PCDH15: variants seen among roughly 807,000 people sequenced by gnomAD.
PCDH15 encodes the protein protocadherin-15.
PCDH15 carries 129 observed loss-of-function variants against 178.5 expected under a neutral mutation model. That is an observed-to-expected ratio of 0.72 (90% CI 0.63 to 0.84). The LOEUF is 0.84. Ranked by LOEUF, PCDH15 falls within the 40% of genes least tolerant of loss-of-function variation. The pLI is 0.00. For synonymous variants in PCDH15, 800 were observed against 732.0 expected (o/e 1.09, Z -1.50); for missense variants, 2,230 against 2,099.9 (o/e 1.06, Z -1.21).
chr10:53,971,297 AAG>A (rs1448102652), intron 21 of PCDH15, among the ~76,000 whole-genome samples: 6 of 152,226 alleles, frequency 3.9e-5, no homozygotes, highest in African/African-American at 1.2e-4. Context: ...TTAAAATAAT[AAG>A]AGTTATTTGT....
At chr10:53,955,425 G>A (rs969079559) in intron 23 of PCDH15, among the ~76,000 whole-genome samples, 3 of 152,114 alleles carry the variant, frequency 2.0e-5, no homozygotes, top group African/African-American at 7.2e-5. Flanking sequence ...GTGACAGAAC[G>A]GGGACGTATG....
chr10:55,518,127 T>G (rs1038613504), intron 2 of PCDH15, among the ~76,000 whole-genome samples: 1 of 152,062 alleles, frequency 6.6e-6, no homozygotes, highest in Non-Finnish European at 1.5e-5. Flanking sequence ...GGGTTTCACA[T>G]AGAATAACTC....
chr10:54,441,609 A>G (rs1013159795), intron 3 of PCDH15, among the ~76,000 whole-genome samples: 1 of 151,926 alleles, frequency 6.6e-6, no homozygotes, highest in African/African-American at 2.4e-5. Context: ...TGGCCACAGA[A>G]TTCATTGAGA....
At chr10:54,367,918 C>T (rs11004258) in intron 5 of PCDH15, among the ~76,000 whole-genome samples, 2,659 of 151,672 alleles carry the variant, frequency 0.018, 75 homozygotes, top group African/African-American at 0.056. Context: ...AAAGTTAGCA[C>T]TCAACCGAAC....
intron 2 of PCDH15, among the ~76,000 whole-genome samples, chr10:54,619,968 T>A (rs2093305214): frequency 6.6e-6 from 1 of 151,982 alleles, no homozygotes; most frequent in Admixed American, 6.6e-5. Flanking sequence ...GTTTTGACAT[T>A]TTTAAACAGT....
At chr10:53,949,035 G>A (rs1264190176) in intron 23 of PCDH15, among the ~76,000 whole-genome samples, 2 of 152,198 alleles carry the variant, frequency 1.3e-5, no homozygotes, top group East Asian at 3.8e-4. Flanking sequence ...ATTCTAAACA[G>A]TGGATGTAAG....
At chr10:54,712,378 G>C (rs2095435653) in intron 1 of PCDH15, among the ~76,000 whole-genome samples, 1 of 151,798 alleles carries the variant, frequency 6.6e-6, no homozygotes, top group African/African-American at 2.4e-5. Context: ...AATCATAACA[G>C]CTAAGACACA....
In PCDH15 at chr10:54,768,222, C is replaced by T. The variant is rs184445584; in HGVS notation, c.-29+32703G>A. On this transcript the variant is annotated intron_variant, in intron 1 of 37. Coordinates refer to ENST00000644397, the MANE Select transcript of PCDH15 (RefSeq NM_001384140.1). ...ATAGAGAGAATGCAAATTACACAGT[C>T]CAGAGGATTTGACAAGAAGTCTTCT... 3.7e-4 allele frequency among the ~76,000 whole-genome samples: 56 copies of T among 152,200 alleles called. 1 individual carries two copies. The East Asian group carries it at 4.6e-3, about 13-fold the overall frequency.
At chr10:55,538,864 CCTTT>C (rs1841681867) in intron 2 of PCDH15, among the ~76,000 whole-genome samples, 1 of 20,480 alleles carries the variant, frequency 4.9e-5, no homozygotes, top group Non-Finnish European at 7.7e-5. Context: ...CTTCCTTCCT[CCTTT>C]CCTTCCTTCC....
At chr10:54,349,803 T>A (rs1189717426) in intron 5 of PCDH15, among the ~76,000 whole-genome samples, 1 of 152,202 alleles carries the variant, frequency 6.6e-6, no homozygotes, top group Non-Finnish European at 1.5e-5. Flanking sequence ...AAATTGAATA[T>A]GCATTTGCTT....
Position 53,805,674 on chromosome 10 carries a change from C to CAAACT in PCDH15, c.*900_*904dup, listed in dbSNP as rs1475547332. The CAAACT allele has an allele frequency of 1.1e-4, 17 of 152,052 alleles. No homozygotes were observed. The highest frequency in any genetic ancestry group is 2.0e-4 in the Admixed American group (3 of 15,224). 9.4% of individuals were successfully genotyped at this position (152,052 alleles called of 1,614,324 possible). On this transcript the variant is annotated 3_prime_UTR_variant, in exon 38 of 38. Transcript: ENST00000644397. ...CCTTTACTCTGATATGCTGGGTTTA[C>CAAACT]AAACTATTAAAGTCTAGTGACATTA...
At chr10:54,636,996 G>A (rs1285708045) in intron 2 of PCDH15, among the ~76,000 whole-genome samples, 1 of 151,724 alleles carries the variant, frequency 6.6e-6, no homozygotes, top group Non-Finnish European at 1.5e-5. Flanking sequence ...GTATATAAAA[G>A]CCTTTCAAAC....
rs2132496410 is a variant in PCDH15, at chr10:53,822,567, C to CAAAT, written c.4368-2341_4368-2338dup. On this transcript the variant is annotated intron_variant, in intron 32 of 37. Coordinates refer to ENST00000644397, the MANE Select transcript of PCDH15 (RefSeq NM_001384140.1). ...TCTTTCGGTTTCAATAGGTAACATA[C>CAAAT]AAATAGGTGTCTCTCTCCTAGAGAG... The CAAAT allele has an allele frequency of 6.2e-7, 1 of 1,613,840 alleles. No individual in the cohort carries two copies. The highest frequency in any genetic ancestry group is 2.2e-5 in the East Asian group (1 of 44,868).
chr10:54,386,740 T>C (rs1412129092), intron 3 of PCDH15, among the ~76,000 whole-genome samples: 1 of 151,982 alleles, frequency 6.6e-6, no homozygotes, highest in African/African-American at 2.4e-5. Flanking sequence ...ATTGGGGAAA[T>C]AAAAATGAAA....
intron 2 of PCDH15, chr10:54,606,742 TAAG>T (rs2092757684): frequency 6.6e-6 from 1 of 152,042 alleles, no homozygotes; most frequent in African/African-American, 2.4e-5. Context: ...TCATAAAAGA[TAAG>T]AAGTCAAGCT....
chr10:55,252,716 AAAT>A (rs1267639391), intron 1 of PCDH15, among the ~76,000 whole-genome samples: 1 of 152,100 alleles, frequency 6.6e-6, no homozygotes, highest in African/African-American at 2.4e-5. Flanking sequence ...GTTAGCTTTA[AAAT>A]TTGAAGGAAA....
rs142110106 is a variant in PCDH15 at position 53,923,604 on chromosome 10, C to T, written c.3373+15211G>A. On this transcript the variant is annotated intron_variant, in intron 25 of 37. Coordinates refer to ENST00000644397, the MANE Select transcript of PCDH15 (RefSeq NM_001384140.1). ...AAGATAAAACCAAGAAATCTTCTAC[C>T]TACTTAATTCCCATGTTTTCTTCCA... 1.6e-3 allele frequency among the ~76,000 whole-genome samples: 247 copies of T among 152,178 alleles called. 3 individuals are homozygous for T. The highest frequency in any genetic ancestry group is 0.012 in the Admixed American group (188 of 15,284).
intron 8 of PCDH15, among the ~76,000 whole-genome samples, chr10:54,307,486 T>C (rs1017173954): frequency 2.6e-5 from 4 of 151,632 alleles, no homozygotes; most frequent in African/African-American, 9.7e-5. Context: ...CATAATCTAT[T>C]GTTTTTATAT....
chr10:54,613,489 T>C (rs1171233614), intron 2 of PCDH15, among the ~76,000 whole-genome samples: 1 of 145,070 alleles, frequency 6.9e-6, no homozygotes, highest in African/African-American at 2.7e-5. Context: ...CTTTTGTCTC[T>C]CTCTCACACA....
Sources: allele counts gnomAD v4.1 joint callset (sites outside exome capture counted in the v4.1 genomes callset), GRCh38; gene constraint gnomAD v4.1.1; transcripts MANE v1.5; gene names NCBI Gene and HGNC (gene_info 2026-07-23, HGNC 2026-07-21).